The following STK39 variants were observed in gnomAD, a reference collection of about 807,000 sequenced individuals.
The protein encoded by STK39 is serine/threonine kinase 39, also known as STE20/SPS1-related proline-alanine-rich protein kinase.
Under a neutral mutation model 77.8 loss-of-function variants are expected in STK39, and 20 were observed. The ratio of observed to expected loss-of-function variants is 0.26; its 90% CI spans 0.18 to 0.37. STK39 has a LOEUF of 0.37. STK39 is among the 10% of genes least tolerant of loss of function. The pLI is 1.00. For synonymous variants in STK39, 246 were observed against 234.1 expected, an observed-to-expected ratio of 1.05 and a Z score of -0.47; for missense variants, 479 against 656.5, an observed-to-expected ratio of 0.73 and a Z score of 2.95.
At chr2:168,222,216 T>G (rs1418927854) in intron 1 of STK39, among the ~76,000 whole-genome samples, 5 of 152,186 alleles carry the variant, frequency 3.3e-5, no homozygotes, top group South Asian at 2.1e-4. Context: ...TATAATGAAC[T>G]GTGAGTCCAC....
chr2:168,095,892 A>T (rs770475107), intron 10 of STK39, among the ~76,000 whole-genome samples: 1 of 152,026 alleles, frequency 6.6e-6, no homozygotes, highest in South Asian at 2.1e-4. Context: ...CAAATCCCCA[A>T]TTATGTTGAC....
intron 14 of STK39, among the ~76,000 whole-genome samples, chr2:168,037,518 T>G (rs1684988703): frequency 6.6e-6 from 1 of 152,160 alleles, no homozygotes; most frequent in African/African-American, 2.4e-5. Context: ...GGTCATTGTT[T>G]ATGGTGGCGA....
At chr2:167,979,733 T>C (rs903046721) in intron 16 of STK39, among the ~76,000 whole-genome samples, 1 of 152,202 alleles carries the variant, frequency 6.6e-6, no homozygotes, top group Non-Finnish European at 1.5e-5. Flanking sequence ...CTAGAGCTTT[T>C]TGTACAGTTC....
chr2:168,044,874 A>G (rs1685198902), intron 14 of STK39, among the ~76,000 whole-genome samples: 1 of 152,240 alleles, frequency 6.6e-6, no homozygotes, highest in Non-Finnish European at 1.5e-5. Flanking sequence ...AATAATTCCA[A>G]CAGACCCACT....
chr2:168,068,564 T>C (rs545001826), intron 12 of STK39, among the ~76,000 whole-genome samples: 3 of 152,222 alleles, frequency 2.0e-5, no homozygotes, highest in Admixed American at 6.5e-5. Flanking sequence ...AAATCAACAG[T>C]GGGGGAGATT....
At position 168,159,105 on chromosome 2, in the gene STK39, A is replaced by C. The variant is rs561018259; in HGVS notation, c.628+2682T>G. 1.6e-4 allele frequency among the ~76,000 whole-genome samples: 24 copies of C among 152,360 alleles called. No homozygotes were observed. The South Asian group carries it at 5.0e-3, about 32-fold the overall frequency. ...TCATTATGTTTTCTATTAGGATAGC[A>C]AAAATGCCCTTTCTTAAAAACAGTG... is the stretch of plus-strand genomic sequence containing the variant. On this transcript the variant is annotated intron_variant, in intron 5 of 17. Transcript: ENST00000355999.
At chr2:168,219,223 T>C (rs999755458) in intron 1 of STK39, among the ~76,000 whole-genome samples, 2 of 151,690 alleles carry the variant, frequency 1.3e-5, no homozygotes, top group African/African-American at 4.9e-5. Flanking sequence ...GAGGTGGAGG[T>C]TGCAGTGAGC....
chr2:168,084,554 T>C (rs1686320156), intron 10 of STK39, among the ~76,000 whole-genome samples: 1 of 152,180 alleles, frequency 6.6e-6, no homozygotes, highest in African/African-American at 2.4e-5. Context: ...GAGGACCCTG[T>C]TGTGCAGTGA....
At chr2:168,193,685 G>A (rs916514307) in intron 1 of STK39, among the ~76,000 whole-genome samples, 2 of 152,214 alleles carry the variant, frequency 1.3e-5, no homozygotes, top group Admixed American at 1.3e-4. Context: ...TGGGGCTGGG[G>A]GCTAAGGTGT....
chr2:168,018,529 AAAAGAAAG>A (rs1195584527), intron 14 of STK39, among the ~76,000 whole-genome samples: 3 of 80,766 alleles, frequency 3.7e-5, no homozygotes. Context: ...GAAAAGAAAG[AAAAGAAAG>A]AAAAGAAAGA....
intron 16 of STK39, among the ~76,000 whole-genome samples, chr2:168,011,127 G>C (rs1276705737): frequency 6.6e-6 from 1 of 152,156 alleles, no homozygotes; most frequent in South Asian, 2.1e-4. Flanking sequence ...GCAAAACCCT[G>C]TCTCTACTAA....
chr2:168,074,772 G>A (rs569229520), intron 12 of STK39, among the ~76,000 whole-genome samples: 1 of 152,298 alleles, frequency 6.6e-6, no homozygotes, highest in African/African-American at 2.4e-5. Flanking sequence ...TTTGACAGAT[G>A]AGGAAACAGG....
intron 15 of STK39, among the ~76,000 whole-genome samples, chr2:168,013,833 T>C (rs965098312): frequency 1.9e-5 from 2 of 105,518 alleles, no homozygotes; most frequent in Admixed American, 9.2e-5. Flanking sequence ...TGTGTGTGTG[T>C]GTATGTGTTT....
At chr2:168,021,209 T>C (rs1000657554) in intron 14 of STK39, among the ~76,000 whole-genome samples, 2 of 152,194 alleles carry the variant, frequency 1.3e-5, no homozygotes, top group Non-Finnish European at 2.9e-5. Context: ...AGAATATCAC[T>C]ATGCATATCC....
At chr2:168,219,315 C>T (rs563246308) in intron 1 of STK39, among the ~76,000 whole-genome samples, 43 of 152,020 alleles carry the variant, frequency 2.8e-4, no homozygotes, top group African/African-American at 9.6e-4. Context: ...CAGATATTTT[C>T]GGTGTGTTCA....
In STK39 at chr2:168,012,683, A is replaced by G; in HGVS notation, c.1449T>C (p.Ser483=). 1 of 1,613,810 alleles carries G rather than the reference A, an allele frequency of 6.2e-7. No individual in the cohort carries two copies. Among genetic ancestry groups the G allele is most frequent in the Non-Finnish European group, 8.5e-7 (1 of 1,179,792 alleles). The change falls in exon 16 of 18, where the codon TCT becomes TCC. Residue 483 remains serine, a synonymous_variant. Transcript: ENST00000355999. ...CCAAGCCAGCAGAGAAGAGCTCCTG[A>G]GATACACCATCTGCTGTATCTGTCC... ...TPGRDTADGV[S]QELFSAGLVD...
chr2:168,243,562 T>A (rs1038164934), intron 1 of STK39, among the ~76,000 whole-genome samples: 2 of 152,144 alleles, frequency 1.3e-5, no homozygotes, highest in African/African-American at 4.8e-5. Context: ...GAAAGGTGCA[T>A]CCTGCAAAAA....
chr2:168,103,289 TTTTACCCA>T (rs1686883911), intron 10 of STK39, among the ~76,000 whole-genome samples: 1 of 152,202 alleles, frequency 6.6e-6, no homozygotes. Flanking sequence ...ATCAAATAAA[TTTTACCCA>T]GCTACACTGT....
chr2:168,011,305 A>C (rs1445772825), intron 16 of STK39, among the ~76,000 whole-genome samples: 1 of 152,192 alleles, frequency 6.6e-6, no homozygotes, highest in Non-Finnish European at 1.5e-5. Flanking sequence ...TCTCAAAAAA[A>C]ACAAAACCAA....
Sources: allele counts gnomAD v4.1 joint callset (sites outside exome capture counted in the v4.1 genomes callset), GRCh38; gene constraint gnomAD v4.1.1; transcripts MANE v1.5; gene names NCBI Gene and HGNC (gene_info 2026-07-23, HGNC 2026-07-21).